APPL1: variants seen among roughly 807,000 people sequenced by gnomAD.
The protein encoded by APPL1 is DCC-interacting protein 13-alpha.
In APPL1, 42 loss-of-function variants were observed where a neutral mutation model predicts 106.8. That is an observed-to-expected ratio of 0.39 (90% CI 0.31 to 0.51). The LOEUF (loss-of-function observed/expected upper bound fraction) is 0.51. APPL1 is among the 20% of genes least tolerant of loss of function. The probability of loss-of-function intolerance (pLI) is 0.75; values close to 1 mark genes in which losing one functional copy is unlikely to be tolerated. For synonymous variants in APPL1, 263 were observed against 281.8 expected, an observed-to-expected ratio of 0.93 and a Z score of 0.67; for missense variants, 769 against 858.2, an observed-to-expected ratio of 0.90 and a Z score of 1.30.
chr3:57,237,476 A>G lies in APPL1; in HGVS notation c.154-16A>G, dbSNP rs1421864021. The G allele has an allele frequency of 1.3e-6, 2 of 1,587,098 alleles. No individual in the cohort carries two copies. The highest frequency in any genetic ancestry group is 2.7e-5 in the African/African-American group (2 of 73,928). On this transcript the variant is annotated splice_polypyrimidine_tract_variant and intron_variant, in intron 2 of 21. Transcript: ENST00000288266. ...TTTTTCCCAGTAATATGCTAATTTG[A>G]ATGCTTTTTCCATAGAATGAATTAA... is the stretch of plus-strand genomic sequence containing the variant.
chr3:57,255,827 A>G (rs761835899), intron 13 of APPL1, among the ~76,000 whole-genome samples: 1 of 152,206 alleles, frequency 6.6e-6, no homozygotes, highest in Non-Finnish European at 1.5e-5. Context: ...AATTTATTTT[A>G]TCATTTAGGT....
At chr3:57,256,832 C>A in intron 13 of APPL1, 125 bp from the exon 14 acceptor site, 3 of 724,852 alleles carry the variant, frequency 4.1e-6, no homozygotes, top group Admixed American at 2.4e-5. Flanking sequence ...TATAGTACTA[C>A]TTTAGTAGCT....
intron 4 of APPL1, among the ~76,000 whole-genome samples, chr3:57,238,666 C>T (rs1020642727): frequency 6.6e-6 from 1 of 152,104 alleles, no homozygotes; most frequent in African/African-American, 2.4e-5. Context: ...CCTGTGTTTT[C>T]TAGACTCTTA....
intron 15 of APPL1, 70 bp from the exon 16 acceptor site, chr3:57,258,958 A>G: frequency 1.7e-6 from 2 of 1,173,668 alleles, no homozygotes; most frequent in Non-Finnish European, 1.2e-6. Context: ...TGTGGTTTTA[A>G]TAATTAGATT....
Position 57,260,921 on chromosome 3 carries a change from T to C in APPL1, c.1842+147T>C, listed in dbSNP as rs2060861721. Reference sequence around the variant, plus strand: ...AATTTATACAAATTTATGAGGCACATGTGAATTTTGTTACATGTATAGAAT... The same window carrying C: ...AATTTATACAAATTTATGAGGCACACGTGAATTTTGTTACATGTATAGAAT... On this transcript the variant is annotated intron_variant, in intron 19 of 21. Coordinates refer to ENST00000288266, the MANE Select transcript of APPL1 (RefSeq NM_012096.3). The C allele has an allele frequency of 3.1e-6, 3 of 983,108 alleles. No homozygotes were observed. The East Asian group carries it at 8.2e-5, about 27-fold the overall frequency. 60.9% of individuals were successfully genotyped at this position (983,108 alleles called of 1,614,324 possible).
rs770544399 is a variant in APPL1, at chr3:57,246,231, T to G, written c.621+9T>G. The G allele has an allele frequency of 5.1e-6, 8 of 1,574,766 alleles. No individual in the cohort carries two copies. The highest frequency in any genetic ancestry group is 6.9e-6 in the Non-Finnish European group (8 of 1,165,032). ...GGTACATGCAAGCTCAGGTAAATAC[T>G]GTACTGTATTTGGATTATAACTGTC... On this transcript the variant is annotated intron_variant, in intron 8 of 21. Transcript: ENST00000288266.
Position 57,248,414 on chromosome 3 carries a change from A to G in APPL1, c.863+63A>G, listed in dbSNP as rs909404683. On this transcript the variant is annotated intron_variant, in intron 10 of 21. Transcript: ENST00000288266. ...ATGTAAGACAATACCAAATGAATATAGTAAATAATTGATGTCTGTCATATT... is the reference window on the plus strand; with the variant it reads ...ATGTAAGACAATACCAAATGAATATGGTAAATAATTGATGTCTGTCATATT... The G allele has an allele frequency of 2.3e-5, 35 of 1,503,956 alleles. No individual in the cohort carries two copies. The East Asian group carries it at 3.4e-4, about 15-fold the overall frequency. The allele number at this position is 1,503,956 out of a possible 1,614,324, so 93.2% of individuals were successfully genotyped here. A position where few individuals can be genotyped will look rare whatever the true frequency, so the allele number is the denominator to read the frequency against.
intron 1 of APPL1, among the ~76,000 whole-genome samples, chr3:57,229,656 C>G (rs1016162282): frequency 6.6e-6 from 1 of 151,050 alleles, no homozygotes; most frequent in Non-Finnish European, 1.5e-5. Context: ...CCTGCCTCAG[C>G]CTCCCTAGCA....
chr3:57,265,528 ATTACT>A lies in APPL1; in HGVS notation c.1843-2210_1843-2206del, dbSNP rs377308886. On this transcript the variant is annotated intron_variant, in intron 19 of 21. Coordinates refer to ENST00000288266, the MANE Select transcript of APPL1 (RefSeq NM_012096.3). ...TTTATCTGTGGCTATTGTAAGTGAGATTACTTTATTTATTTCTTTTTCAGATTGTT... is the reference window on the plus strand; with the variant it reads ...TTTATCTGTGGCTATTGTAAGTGAGATTATTTATTTCTTTTTCAGATTGTT... 3.4e-3 allele frequency among the ~76,000 whole-genome samples: 519 copies of A among 152,218 alleles called. 1 individual carries two copies. The highest frequency in any genetic ancestry group is 0.012 in the African/African-American group (496 of 41,542).
At chr3:57,258,172 T>C (rs1579398019) in intron 15 of APPL1, among the ~76,000 whole-genome samples, 1 of 152,176 alleles carries the variant, frequency 6.6e-6, no homozygotes, top group African/African-American at 2.4e-5. Context: ...CTTTGTTTTG[T>C]TTTGAGATGG....
chr3:57,248,419 A>G (rs1170035895), intron 10 of APPL1, 68 bp downstream of exon 10: 19 of 1,486,452 alleles, frequency 1.3e-5, no homozygotes, highest in Admixed American at 4.1e-5. Flanking sequence ...AATATAGTAA[A>G]TAATTGATGT....
chr3:57,268,027 A>G (rs2060906402), intron 20 of APPL1: 2 of 556,416 alleles, frequency 3.6e-6, no homozygotes, highest in Non-Finnish European at 3.2e-6. Context: ...CGGGAGGCGG[A>G]GGTTGCAATG....
At chr3:57,236,783 T>C (rs888117855) in intron 2 of APPL1, among the ~76,000 whole-genome samples, 6 of 152,238 alleles carry the variant, frequency 3.9e-5, no homozygotes, top group African/African-American at 1.4e-4. Flanking sequence ...AAGCTATGTT[T>C]GGATAACTTA....
chr3:57,230,729 G>A, intron 1 of APPL1: 1 of 450,238 alleles, frequency 2.2e-6, no homozygotes, highest in Admixed American at 2.7e-5. Context: ...AGTCCAAGAA[G>A]CAGAGCAGCA....
intron 15 of APPL1, among the ~76,000 whole-genome samples, chr3:57,258,062 G>T (rs141749257): frequency 1.1e-4 from 17 of 152,134 alleles, no homozygotes; most frequent in Non-Finnish European, 1.9e-4. Flanking sequence ...AATACACTTA[G>T]CATTTGATGT....
chr3:57,246,847 G>GA (rs1252677244), intron 8 of APPL1, among the ~76,000 whole-genome samples: 1 of 151,818 alleles, frequency 6.6e-6, no homozygotes, highest in Non-Finnish European at 1.5e-5. Context: ...TACAAAAAAT[G>GA]AAAAAATTAG....
At chr3:57,268,311 A>T in intron 20 of APPL1, 87 bp from the exon 21 acceptor site, 1 of 1,296,604 alleles carries the variant, frequency 7.7e-7, no homozygotes, top group Non-Finnish European at 1.0e-6. Flanking sequence ...AAAATATTGA[A>T]AGGTTACCAT....
intron 11 of APPL1, among the ~76,000 whole-genome samples, chr3:57,249,773 CTGTGATTTCA>C (rs1484777318): frequency 6.6e-5 from 10 of 152,032 alleles, no homozygotes; most frequent in Non-Finnish European, 1.5e-4. Context: ...TAGTAAAGAC[CTGTGATTTCA>C]TGTTAGGGAA....
rs2060661398 is a variant in APPL1 at position 57,227,952 on chromosome 3, C to T, written c.54+15C>T. The T allele has an allele frequency of 7.0e-7, 1 of 1,428,514 alleles. No individual in the cohort carries two copies. Among genetic ancestry groups the T allele is most frequent in the Non-Finnish European group, 9.2e-7 (1 of 1,081,802 alleles). The allele number at this position is 1,428,514 out of a possible 1,614,324, so 88.5% of individuals were successfully genotyped here. On this transcript the variant is annotated intron_variant, in intron 1 of 21. Transcript: ENST00000288266. ...ACAGCCCGCAGGTGAGGCGCGGGAG[C>T]TGGTGGGCGACGAGGGAGAGCCCAG...
Sources: allele counts gnomAD v4.1 joint callset (sites outside exome capture counted in the v4.1 genomes callset), GRCh38; gene constraint gnomAD v4.1.1; transcripts MANE v1.5; gene names NCBI Gene and HGNC (gene_info 2026-07-23, HGNC 2026-07-21).